Variants in MS4A12 observed in about 807,000 individuals in gnomAD.
The protein encoded by MS4A12 is membrane-spanning 4-domains subfamily A member 12.
A neutral mutation model predicts 23.7 loss-of-function variants in MS4A12; 28 were observed. That is an observed-to-expected ratio of 1.18 (90% CI 0.88 to 1.62). The LOEUF (loss-of-function observed/expected upper bound fraction) is 1.62. Among genes scored for constraint, MS4A12 ranks in the 40% most tolerant of loss-of-function variants. The pLI, the probability that MS4A12 is intolerant of heterozygous loss-of-function variation, is 0.00. For synonymous variants in MS4A12, 108 were observed against 110.1 expected, an observed-to-expected ratio of 0.98 and a Z score of 0.12; for missense variants, 342 against 327.0, an observed-to-expected ratio of 1.05 and a Z score of -0.35.
At chr11:60,493,465 G>A (rs1202609267) in intron 1 of MS4A12, among the ~76,000 whole-genome samples, 3 of 151,958 alleles carry the variant, frequency 2.0e-5, no homozygotes, top group Non-Finnish European at 2.9e-5. Flanking sequence ...CCAAAAGGAC[G>A]AGGCCATGCC....
chr11:60,502,074 TA>T (rs1283881065), intron 4 of MS4A12, 35 bp downstream of exon 4: 5 of 1,567,452 alleles, frequency 3.2e-6, no homozygotes, highest in Non-Finnish European at 4.4e-6. Context: ...TGAACCCCTT[TA>T]AAGATTAGCT....
intron 1 of MS4A12, among the ~76,000 whole-genome samples, chr11:60,495,954 G>C (rs1254446797): frequency 6.6e-6 from 1 of 152,200 alleles, no homozygotes; most frequent in African/African-American, 2.4e-5. Flanking sequence ...AGCTGCAAAT[G>C]TCCAGAGTGA....
Position 60,502,035 on chromosome 11 carries a change from G to A in MS4A12, c.467G>A (p.Cys156Tyr). The change falls in exon 4 of 7, where the codon TGT becomes TAT. Residue 156 changes from cysteine to tyrosine, a missense_variant. Cys to Tyr is a radical substitution (Grantham distance 194). Transcript: ENST00000016913. ...TCAGCATCCAAGGAGCTTTCCCGTT[G>A]TCTGGTAAGTTAGACTGTCTCTACT... ...SVSASKELSR[C>Y]LVKGSLGMNI... 1 of 1,610,802 alleles carries A rather than the reference G, an allele frequency of 6.2e-7. No homozygotes were observed. The highest frequency in any genetic ancestry group is 8.5e-7 in the Non-Finnish European group (1 of 1,177,060).
chr11:60,506,920 G>A (rs2298558), intron 6 of MS4A12, 82 bp downstream of exon 6: 668,452 of 1,524,848 alleles, frequency 0.44, 149,037 homozygotes, highest in Admixed American at 0.62. Flanking sequence ...TCCTACTATC[G>A]GCTTACCAGA....
At chr11:60,494,754 A>T (rs926309909) in intron 1 of MS4A12, among the ~76,000 whole-genome samples, 1 of 152,204 alleles carries the variant, frequency 6.6e-6, no homozygotes, top group African/African-American at 2.4e-5. Flanking sequence ...AGACATAGGA[A>T]CTAACAGGGA....
In MS4A12 at chr11:60,501,264, C is replaced by T. The variant is rs2086528616; in HGVS notation, c.414+82C>T. 3.7e-6 allele frequency: 5 copies of T among 1,338,812 alleles called. No homozygotes were observed. The South Asian group carries it at 6.7e-5, about 18-fold the overall frequency. 82.9% of individuals were successfully genotyped at this position (1,338,812 alleles called of 1,614,324 possible). On this transcript the variant is annotated intron_variant, in intron 3 of 6. Transcript: ENST00000016913. ...TTTATAAAGTATTGCTATCTCCAGC[C>T]AATTCACAACTCATTTCTTGATAAA...
Position 60,497,448 on chromosome 11 carries a change from C to A in MS4A12, c.130C>A (p.Gln44Lys), listed in dbSNP as rs1400549241. 6.2e-7 allele frequency: 1 copy of A among 1,614,206 alleles called. No homozygotes were observed. The highest frequency in any genetic ancestry group is 8.5e-7 in the Non-Finnish European group (1 of 1,180,050). ...TTCAATCAACTTAGAAAACCAAGCT[C>A]AGGGTGCTCAGCGTGCTCAGCCCTA... is the stretch of plus-strand genomic sequence containing the variant. ...LGSINLENQA[Q>K]GAQRAQPYGI... The change falls in exon 2 of 7, where the codon CAG becomes AAG. Residue 44 changes from glutamine to lysine, a missense_variant. Gln to Lys is a moderately conservative substitution (Grantham distance 53, BLOSUM62 1). Transcript: ENST00000016913.
At chr11:60,506,897 TG>T in intron 6 of MS4A12, 59 bp downstream of exon 6, 2 of 1,550,658 alleles carry the variant, frequency 1.3e-6, no homozygotes, top group South Asian at 2.2e-5. Context: ...AATACAGACT[TG>T]TGTCTGCTAA....
intron 1 of MS4A12, among the ~76,000 whole-genome samples, chr11:60,495,516 A>T (rs117142948): frequency 1.3e-5 from 2 of 152,154 alleles, no homozygotes; most frequent in East Asian, 3.9e-4. Context: ...ACATAGAAAT[A>T]ATAATAGAGC....
Position 60,507,242 on chromosome 11 carries a change from A to G in MS4A12, c.*118A>G, listed in dbSNP as rs1328433128. 5.8e-6 allele frequency: 5 copies of G among 856,252 alleles called. No individual in the cohort carries two copies. The East Asian group carries it at 1.0e-4, about 18-fold the overall frequency. 53.0% of individuals were successfully genotyped at this position (856,252 alleles called of 1,614,324 possible). On this transcript the variant is annotated 3_prime_UTR_variant, in exon 7 of 7. Coordinates refer to ENST00000016913, the MANE Select transcript of MS4A12 (RefSeq NM_017716.3). ...CTAGTCTTTAAAAACTGTGTTTGAG[A>G]TTTGTTTTTAGGTTGGTCGCTAATG...
chr11:60,507,183 T>A lies in MS4A12; in HGVS notation c.*59T>A. ...GAGAAAAACTACTTGCAAAAACTTC[T>A]TAAGAAGATGTCTTTTATTGTCTAC... On this transcript the variant is annotated 3_prime_UTR_variant, in exon 7 of 7. Coordinates refer to ENST00000016913, the MANE Select transcript of MS4A12 (RefSeq NM_017716.3). 3.1e-6 allele frequency: 4 copies of A among 1,310,652 alleles called. No individual in the cohort carries two copies. The highest frequency in any genetic ancestry group is 4.4e-6 in the Non-Finnish European group (4 of 910,440). The allele number at this position is 1,310,652 out of a possible 1,614,324, so 81.2% of individuals were successfully genotyped here.
intron 1 of MS4A12, among the ~76,000 whole-genome samples, chr11:60,494,375 A>AT (rs1298085462): frequency 6.6e-6 from 1 of 152,258 alleles, no homozygotes; most frequent in Non-Finnish European, 1.5e-5. Flanking sequence ...ACAAAAAAAA[A>AT]GCAATGATCA....
rs1369914776 is a variant in MS4A12 at position 60,501,922 on chromosome 11, GA to G, written c.415-60del. On this transcript the variant is annotated intron_variant, in intron 3 of 6. Transcript: ENST00000016913. The stretch of plus-strand genomic sequence containing the variant: ...TAAATAGACCAACCTTTCATATAAA[GA>G]GAAATTCCCAAGCACAACCAGTTAA... 2.6e-5 allele frequency: 38 copies of G among 1,460,994 alleles called. 1 individual carries two copies. Among genetic ancestry groups the G allele is most frequent in the East Asian group, 2.3e-4 (10 of 44,122 alleles). 90.5% of individuals were successfully genotyped at this position (1,460,994 alleles called of 1,614,324 possible).
chr11:60,504,667 A>G (rs761641317), intron 5 of MS4A12, among the ~76,000 whole-genome samples: 7 of 152,228 alleles, frequency 4.6e-5, no homozygotes, highest in Non-Finnish European at 1.5e-5. Context: ...TAACATTAAG[A>G]CAATATCACA....
At chr11:60,504,893 A>T (rs2086559094) in intron 5 of MS4A12, among the ~76,000 whole-genome samples, 1 of 152,030 alleles carries the variant, frequency 6.6e-6, no homozygotes, top group African/African-American at 2.4e-5. Flanking sequence ...ATGTTCTTTG[A>T]AGTGTCAGTA....
At chr11:60,501,007 T>C (rs2086526088) in intron 2 of MS4A12, 38 bp from the exon 3 acceptor site, 1 of 1,571,882 alleles carries the variant, frequency 6.4e-7, no homozygotes, top group Admixed American at 1.9e-5. Flanking sequence ...CGTCTGAAAG[T>C]GAAGAAGTAA....
chr11:60,505,330 C>A (rs943512315), intron 5 of MS4A12, among the ~76,000 whole-genome samples: 3 of 152,090 alleles, frequency 2.0e-5, no homozygotes, highest in African/African-American at 7.2e-5. Context: ...ATAATTCAAT[C>A]ATCTCCCACC....
intron 4 of MS4A12, 61 bp from the exon 5 acceptor site, chr11:60,503,640 T>A: frequency 2.3e-6 from 3 of 1,281,198 alleles, no homozygotes; most frequent in Non-Finnish European, 3.3e-6. Flanking sequence ...TGATTGATTC[T>A]TATCTCACTT....
chr11:60,502,880 T>G (rs2086541715), intron 4 of MS4A12, among the ~76,000 whole-genome samples: 1 of 152,186 alleles, frequency 6.6e-6, no homozygotes, highest in African/African-American at 2.4e-5. Context: ...CTCTGCATCT[T>G]TTAAGGATCC....
Sources: allele counts gnomAD v4.1 joint callset (sites outside exome capture counted in the v4.1 genomes callset), GRCh38; gene constraint gnomAD v4.1.1; transcripts MANE v1.5; gene names NCBI Gene and HGNC (gene_info 2026-07-23, HGNC 2026-07-21).